ZBP1: variants seen among roughly 807,000 people sequenced by gnomAD.
ZBP1 encodes the protein Z-DNA binding protein 1.
A neutral mutation model predicts 41.1 loss-of-function variants in ZBP1; 42 were observed. The ratio of observed to expected loss-of-function variants is 1.02; its 90% CI spans 0.80 to 1.32. The LOEUF (loss-of-function observed/expected upper bound fraction) is 1.32. Ranked by LOEUF, ZBP1 falls within the 40% of genes most tolerant of loss-of-function variation. The pLI is 0.00. For synonymous variants in ZBP1, 214 were observed against 205.2 expected (o/e 1.04, Z -0.37); for missense variants, 562 against 549.7 (o/e 1.02, Z -0.22).
chr20:57,615,113 G>T, intron 3 of ZBP1, 53 bp from the exon 4 acceptor site: 1 of 1,591,736 alleles, frequency 6.3e-7, no homozygotes, highest in Non-Finnish European at 8.6e-7. Context: ...GTTTGCATCT[G>T]CCCCACCGCT....
At chr20:57,618,650 C>T (rs899087093) in intron 1 of ZBP1, among the ~76,000 whole-genome samples, 9 of 151,358 alleles carry the variant, frequency 5.9e-5, no homozygotes, top group Admixed American at 3.3e-4. Flanking sequence ...GGTGTGATCT[C>T]GGCTCACTGC....
intron 1 of ZBP1, 56 bp downstream of exon 1, chr20:57,620,206 G>C: frequency 2.6e-6 from 4 of 1,544,170 alleles, no homozygotes; most frequent in Non-Finnish European, 3.5e-6. Context: ...GGAAAGAGAA[G>C]TAGAAATCTC....
chr20:57,614,087 T>C (rs1230399784), intron 4 of ZBP1, among the ~76,000 whole-genome samples: 1 of 152,194 alleles, frequency 6.6e-6, no homozygotes, highest in Non-Finnish European at 1.5e-5. Flanking sequence ...CAGGCTGGAG[T>C]GCAATGGCGC....
At position 57,610,507 on chromosome 20, in the gene ZBP1, G is replaced by GCCCGCCACACCTCCA. The variant is rs11274166; in HGVS notation, c.875-155_875-141dup. 15,685 of 787,778 alleles carry GCCCGCCACACCTCCA rather than the reference G, an allele frequency of 0.02. 263 individuals are homozygous for GCCCGCCACACCTCCA. The highest frequency in any genetic ancestry group is 0.041 in the Middle Eastern group (110 of 2,696). The allele number at this position is 787,778 out of a possible 1,614,324, so 48.8% of individuals were successfully genotyped here. On this transcript the variant is annotated intron_variant, in intron 6 of 7. Transcript: ENST00000371173. The surrounding 1 kb of genome is among the most constrained non-coding windows in gnomAD (Gnocchi z 5.5). The stretch of plus-strand genomic sequence containing the variant: ...CATCCCAGGAGCACAGCCTGTGCCT[G>GCCCGCCACACCTCCA]CCCGCCACACCTCCACCCGCCACAC...
chr20:57,604,609 G>A lies in ZBP1; in HGVS notation c.1254C>T (p.Ala418=). Reference sequence around the variant, plus strand: ...CTCCCCACCAGCTCCCCTCGTGTGAGGCTTCATCCACATAGTGGCTGCCTT... The same window carrying A: ...CTCCCCACCAGCTCCCCTCGTGTGAAGCTTCATCCACATAGTGGCTGCCTT... ...AAEGSHYVDE[A]SHEGSWWGGG... The change falls in exon 8 of 8, where the codon GCC becomes GCT. Residue 418 remains alanine, a synonymous_variant. Coordinates refer to ENST00000371173, the MANE Select transcript of ZBP1 (RefSeq NM_030776.3). 3 of 1,614,182 alleles carry A rather than the reference G, an allele frequency of 1.9e-6. No homozygotes were observed. Among genetic ancestry groups the A allele is most frequent in the South Asian group, 1.1e-5 (1 of 91,088 alleles).
At chr20:57,611,369 C>T (rs1262414508) in intron 6 of ZBP1, among the ~76,000 whole-genome samples, 3 of 149,930 alleles carry the variant, frequency 2.0e-5, no homozygotes, top group East Asian at 1.9e-4. Context: ...CTCAGCCTTC[C>T]GAGTGGCTAG....
rs542815992 is a variant in ZBP1 at position 57,613,884 on chromosome 20, G to T, written c.503-554C>A. ...GAGTAGCAGAGTCAGCCCTGCAGAG[G>T]TTGAGGCAGGCACCTGCCCAGACTG... On this transcript the variant is annotated intron_variant, in intron 4 of 7. Transcript: ENST00000371173. This position sits in a 1 kb window ranked among gnomAD's most constrained non-coding sequence, Gnocchi z 4.5. Among the ~76,000 whole-genome samples the T allele has an allele frequency of 6.6e-6, 1 of 152,320 alleles. No homozygotes were observed. The highest frequency in any genetic ancestry group is 6.5e-5 in the Admixed American group (1 of 15,306).
intron 7 of ZBP1, chr20:57,607,219 A>T (rs78205311): frequency 4.6e-6 from 6 of 1,303,984 alleles, no homozygotes; most frequent in South Asian, 1.2e-5. Flanking sequence ...CAAACTATCA[A>T]CATTCACAGG....
At chr20:57,615,174 C>T in intron 3 of ZBP1, 114 bp from the exon 4 acceptor site, 1 of 1,172,762 alleles carries the variant, frequency 8.5e-7, no homozygotes, top group Non-Finnish European at 1.2e-6. Flanking sequence ...GTTTCCTCAT[C>T]TGTAAAATGG....
rs189082342 is a variant in ZBP1, at chr20:57,620,318, C to T, written c.-23G>A. 3.3e-4 allele frequency: 522 copies of T among 1,590,158 alleles called. 3 individuals are homozygous for T. Among genetic ancestry groups the T allele is most frequent in the Admixed American group, 1.7e-3 (98 of 56,836 alleles). ...CATGCTGACAGCAGCTGCAAGGAGT[C>T]GGAGAGACTTGGCAGGTGTGCAGGC... On this transcript the variant is annotated 5_prime_UTR_variant, in exon 1 of 8. Transcript: ENST00000371173.
Position 57,611,807 on chromosome 20 carries a change from T to A in ZBP1, c.794A>T (p.Gln265Leu). The change falls in exon 6 of 8, where the codon CAG (glutamine) becomes CTG (leucine). Residue 265 changes from glutamine (Q) to leucine (L), a missense_variant. Gln to Leu is a moderately radical substitution (Grantham distance 113, BLOSUM62 -2). Coordinates refer to ENST00000371173, the MANE Select transcript of ZBP1 (RefSeq NM_030776.3). Reference sequence around the variant, plus strand: ...CCTCATCTCATTGCTGTGTCCCAGCTGCACCCGTCTCAGTATGGACTGCTC... The same window carrying A: ...CCTCATCTCATTGCTGTGTCCCAGCAGCACCCGTCTCAGTATGGACTGCTC... ...HMEQSILRRV[Q>L]LGHSNEMRLH... 6.2e-7 allele frequency: 1 copy of A among 1,612,170 alleles called. No homozygotes were observed. The highest frequency in any genetic ancestry group is 8.5e-7 in the Non-Finnish European group (1 of 1,179,352).
intron 7 of ZBP1, 144 bp from the exon 8 acceptor site, chr20:57,604,913 G>GC: frequency 1.3e-6 from 1 of 794,948 alleles, no homozygotes. Context: ...TGAACAGGGA[G>GC]CCCCACCTTT....
At position 57,620,286 on chromosome 20, in the gene ZBP1, C is replaced by T; in HGVS notation, c.10G>A (p.Ala4Thr). Residue 4 changes from alanine (A) to threonine (T), a missense_variant, in exon 1 of 8, where the codon GCT becomes ACT. Ala to Thr is a moderately conservative substitution (Grantham distance 58). Coordinates refer to ENST00000371173, the MANE Select transcript of ZBP1 (RefSeq NM_030776.3). MAQAPADPGREGHL... is the reference protein window; with the variant it reads MAQTPADPGREGHL... ...CCTTCTCTGCCCGGGTCAGCAGGAG[C>T]CTGGGCCATGCTGACAGCAGCTGCA... 6.3e-7 allele frequency: 1 copy of T among 1,597,940 alleles called. No individual in the cohort carries two copies. The highest frequency in any genetic ancestry group is 1.1e-5 in the South Asian group (1 of 88,146).
chr20:57,616,982 C>T (rs1256838161), intron 1 of ZBP1: 1 of 170,178 alleles, frequency 5.9e-6, no homozygotes, highest in African/African-American at 2.4e-5. Context: ...ACCGACCAGA[C>T]ATCAGAAACA....
chr20:57,615,958 G>A, intron 2 of ZBP1: 1 of 556,992 alleles, frequency 1.8e-6, no homozygotes. Flanking sequence ...CGTCATTGCT[G>A]TCTCCATCAT....
intron 7 of ZBP1, among the ~76,000 whole-genome samples, chr20:57,605,105 C>CAAACAAAACAAAACA (rs11472817): frequency 0.013 from 1,943 of 150,338 alleles, 28 homozygotes; most frequent in Admixed American, 0.02. Flanking sequence ...GCAATTTCCT[C>CAAACAAAACAAAACA]AAACAAAACA....
Position 57,604,782 on chromosome 20 carries a change from A to G in ZBP1, c.1094-13T>C. On this transcript the variant is annotated splice_polypyrimidine_tract_variant and intron_variant, in intron 7 of 7. Transcript: ENST00000371173. ...GCGGGACGACGACCTAGGGAAGAGA[A>G]GATGGGGGATCAGCTTCATGGGCAC... 1.9e-6 allele frequency: 3 copies of G among 1,608,476 alleles called. No individual in the cohort carries two copies. Among genetic ancestry groups the G allele is most frequent in the Non-Finnish European group, 2.6e-6 (3 of 1,175,920 alleles).
intron 3 of ZBP1, 94 bp downstream of exon 3, chr20:57,615,418 C>T (rs757376294): frequency 2.1e-5 from 29 of 1,379,780 alleles, no homozygotes; most frequent in Non-Finnish European, 3.0e-5. Flanking sequence ...GGCCCCTGAA[C>T]ACTGGTGAGA....
Position 57,613,055 on chromosome 20 carries a change from T to C in ZBP1, c.670+108A>G, listed in dbSNP as rs773199242. 5.2e-6 allele frequency: 8 copies of C among 1,548,136 alleles called. No individual in the cohort carries two copies. The highest frequency in any genetic ancestry group is 6.1e-6 in the Non-Finnish European group (7 of 1,146,084). The stretch of plus-strand genomic sequence containing the variant: ...GGGGTCTGGAAGCAACCCTTTCCCC[T>C]TGGAGGGCAGAATCCCCCCACTCCC... On this transcript the variant is annotated intron_variant, in intron 5 of 7. Transcript: ENST00000371173. The surrounding 1 kb of genome is among the most constrained non-coding windows in gnomAD (Gnocchi z 4.5).
Sources: gnomAD v4.1 joint callset for allele counts (sites outside exome capture counted in the v4.1 genomes callset) on GRCh38, gnomAD v4.1.1 for gene constraint, Gnocchi (gnomAD v3.1) non-coding constraint, MANE v1.5 for transcripts, NCBI Gene and HGNC (gene_info 2026-07-23, HGNC 2026-07-21) for gene names.